Variants in SMURF2 observed in about 807,000 individuals in gnomAD.
SMURF2 encodes SMAD specific E3 ubiquitin protein ligase 2.
A neutral mutation model predicts 109.6 loss-of-function variants in SMURF2; 48 were observed. The observed-to-expected ratio is 0.44, with a 90% CI of 0.35 to 0.56. SMURF2 has a LOEUF of 0.56. Among genes scored for constraint, SMURF2 ranks in the 20% least tolerant of loss-of-function variants. SMURF2 has a pLI of 0.01. For synonymous variants in SMURF2, 288 were observed against 317.1 expected (o/e 0.91, Z 0.97); for missense variants, 575 against 909.0 (o/e 0.63, Z 4.72).
At chr17:64,661,428 G>A (rs1286454071) in intron 1 of SMURF2, among the ~76,000 whole-genome samples, 1 of 152,190 alleles carries the variant, frequency 6.6e-6, no homozygotes, top group East Asian at 1.9e-4. Flanking sequence ...TTTACTGCGC[G>A]CAGTCAGCAA....
chr17:64,551,665 A>G lies in SMURF2; in HGVS notation c.1788T>C (p.Ala596=), dbSNP rs1331124287. 18 of 1,614,134 alleles carry G rather than the reference A, an allele frequency of 1.1e-5. No homozygotes were observed. Among genetic ancestry groups the G allele is most frequent in the Non-Finnish European group, 1.5e-5 (18 of 1,180,006 alleles). ...ATCCTTTCTGCAGAGCCAAGAATTG[A>G]GCCTCAATGCCTCGTAAAAATCTCC... ...VNWRFLRGIE[A]QFLALQKGFN... The change falls in exon 16 of 19, where the codon GCT becomes GCC. Residue 596 remains alanine, a synonymous_variant. Transcript: ENST00000262435.
rs182187726 is a variant in SMURF2, at chr17:64,583,882, C to T, written c.486-338G>A. On this transcript the variant is annotated intron_variant, in intron 6 of 18. Transcript: ENST00000262435. ...AAGAATATATTTAACCATAAAATCA[C>T]GAGGTCTCTTGACTTCGTGATCCAC... Among the ~76,000 whole-genome samples the T allele has an allele frequency of 5.7e-3, 846 of 149,410 alleles. 4 individuals are homozygous for T. The highest frequency in any genetic ancestry group is 8.6e-3 in the Non-Finnish European group (588 of 68,000).
intron 16 of SMURF2, among the ~76,000 whole-genome samples, chr17:64,550,143 GAACA>G (rs1479560068): frequency 1.3e-5 from 2 of 152,140 alleles, no homozygotes; most frequent in African/African-American, 4.8e-5. Flanking sequence ...ATTTCACTAT[GAACA>G]ATTCAATCAC....
chr17:64,604,368 T>C (rs957363230), intron 2 of SMURF2, among the ~76,000 whole-genome samples: 1 of 152,112 alleles, frequency 6.6e-6, no homozygotes, highest in African/African-American at 2.4e-5. Flanking sequence ...CCTACACCCA[T>C]GAAAAAGGGA....
At chr17:64,656,295 A>G (rs529086484) in intron 1 of SMURF2, among the ~76,000 whole-genome samples, 6 of 152,372 alleles carry the variant, frequency 3.9e-5, no homozygotes, top group African/African-American at 1.4e-4. Context: ...TGTAGCAAAT[A>G]TGACAACAGG....
intron 7 of SMURF2, among the ~76,000 whole-genome samples, chr17:64,582,086 G>A (rs1182858157): frequency 6.6e-6 from 1 of 152,100 alleles, no homozygotes; most frequent in Non-Finnish European, 1.5e-5. Context: ...CTTGAACACT[G>A]ACACAAGTAC....
intron 10 of SMURF2, among the ~76,000 whole-genome samples, chr17:64,566,760 C>A (rs141329032): frequency 6.7e-6 from 1 of 149,308 alleles, no homozygotes; most frequent in African/African-American, 2.5e-5. Context: ...TTAGTAGAGA[C>A]GGGGTTTCAC....
At chr17:64,548,111 T>C (rs1968985036) in intron 16 of SMURF2, among the ~76,000 whole-genome samples, 2 of 152,066 alleles carry the variant, frequency 1.3e-5, no homozygotes, top group South Asian at 4.2e-4. Context: ...AGGTAAACAA[T>C]TGAGAATGTT....
intron 1 of SMURF2, among the ~76,000 whole-genome samples, chr17:64,660,520 T>C (rs1193586292): frequency 6.6e-6 from 1 of 152,238 alleles, no homozygotes; most frequent in East Asian, 1.9e-4. Flanking sequence ...ATTATTTAAA[T>C]TGCAGCCAAC....
In SMURF2 at chr17:64,547,841, C is replaced by T. The variant is rs1186666512; in HGVS notation, c.1870-40G>A. The T allele has an allele frequency of 8.8e-6, 14 of 1,584,318 alleles. No individual in the cohort carries two copies. The highest frequency in any genetic ancestry group is 8.4e-5 in the Admixed American group (5 of 59,404). On this transcript the variant is annotated intron_variant, in intron 16 of 18. Transcript: ENST00000262435. This position sits in a 1 kb window ranked among gnomAD's most constrained non-coding sequence, Gnocchi z 4.2. ...CACAGTAATGAACCTGTGGAAACCA[C>T]AGCCAGACCAAAAATTCCTCAAAAG...
rs373915337 is a variant in SMURF2, at chr17:64,593,540, A to G, written c.234T>C (p.Ser78=). 2.1e-4 allele frequency: 332 copies of G among 1,581,324 alleles called. 1 individual carries two copies. The Middle Eastern group carries it at 4.6e-3, about 22-fold the overall frequency. Residue 78 remains serine, a synonymous_variant, in exon 4 of 19, where the codon AGT becomes AGC. Transcript: ENST00000262435. ...TATGGATCTTCTTGTGATTCCATAC[A>G]CTGATCGTAACTGAATCAGACTTTC... is the stretch of plus-strand genomic sequence containing the variant. The part of the protein sequence containing the change: ...YIGKSDSVTI[S]VWNHKKIHKK...
chr17:64,629,956 G>A (rs1309756042), intron 1 of SMURF2, among the ~76,000 whole-genome samples: 1 of 152,142 alleles, frequency 6.6e-6, no homozygotes, highest in Non-Finnish European at 1.5e-5. Flanking sequence ...TGAGAAAGGA[G>A]GCCGGGCACA....
At chr17:64,622,492 G>A (rs1294722240) in intron 1 of SMURF2, among the ~76,000 whole-genome samples, 6 of 152,172 alleles carry the variant, frequency 3.9e-5, no homozygotes, top group Admixed American at 1.3e-4. Context: ...CTTTCCTATT[G>A]TTTCTCAGAC....
chr17:64,563,957 C>T (rs1969264328), intron 10 of SMURF2, among the ~76,000 whole-genome samples: 1 of 151,988 alleles, frequency 6.6e-6, no homozygotes, highest in South Asian at 2.1e-4. Context: ...AACTAAAAGA[C>T]AAGTCAAGTC....
intron 1 of SMURF2, among the ~76,000 whole-genome samples, chr17:64,610,486 TCTCAG>T (rs1438931561): frequency 6.6e-6 from 1 of 152,172 alleles, no homozygotes; most frequent in African/African-American, 2.4e-5. Flanking sequence ...AAAGCATCAT[TCTCAG>T]CAAACTAACA....
At chr17:64,601,613 G>C (rs1454435375) in intron 2 of SMURF2, among the ~76,000 whole-genome samples, 1 of 152,108 alleles carries the variant, frequency 6.6e-6, no homozygotes, top group African/African-American at 2.4e-5. Flanking sequence ...ATGTAAACTA[G>C]TACAACCACT....
In SMURF2 at chr17:64,593,402, T is replaced by C. The variant is rs540637666; in HGVS notation, c.334+38A>G. The C allele has an allele frequency of 2.3e-5, 37 of 1,590,520 alleles. No individual in the cohort carries two copies. In the African/African-American group the frequency reaches 5.0e-4, roughly 21 times the overall value. On this transcript the variant is annotated intron_variant, in intron 4 of 18. Transcript: ENST00000262435. ...AAATACATATACACACACACACATA[T>C]ATGTTTTTTAATTGGAAAAGCACTC... is the stretch of plus-strand genomic sequence containing the variant.
intron 3 of SMURF2, 136 bp downstream of exon 3, chr17:64,598,246 G>T: frequency 1.7e-6 from 1 of 589,996 alleles, no homozygotes; most frequent in Non-Finnish European, 2.7e-6. Context: ...ATTCCCACTG[G>T]GCTTTTCTTT....
Position 64,662,183 on chromosome 17 carries a change from C to G in SMURF2, c.-303G>C, listed in dbSNP as rs2144747221. The G allele has an allele frequency of 9.6e-7, 1 of 1,036,776 alleles. No homozygotes were observed. Among genetic ancestry groups the G allele is most frequent in the Non-Finnish European group, 1.2e-6 (1 of 864,208 alleles). 64.2% of individuals were successfully genotyped at this position (1,036,776 alleles called of 1,614,324 possible). On this transcript the variant is annotated 5_prime_UTR_variant, in exon 1 of 19. Coordinates refer to ENST00000262435, the MANE Select transcript of SMURF2 (RefSeq NM_022739.4). ...CCTCCTCGCGGCCGCCGAGGCCTTT[C>G]CCTCCTCTCGTCTCGGCGAGGCCCA...
Sources: gnomAD v4.1 joint callset for allele counts (sites outside exome capture counted in the v4.1 genomes callset) on GRCh38, gnomAD v4.1.1 for gene constraint, Gnocchi (gnomAD v3.1) non-coding constraint, MANE v1.5 for transcripts, NCBI Gene and HGNC (gene_info 2026-07-23, HGNC 2026-07-21) for gene names.